MAPRE2: variants seen among roughly 807,000 people sequenced by gnomAD.
MAPRE2 encodes microtubule associated protein RP/EB family member 2, also known as microtubule-associated protein RP/EB family member 2.
A neutral mutation model predicts 43.2 loss-of-function variants in MAPRE2; 13 were observed. The observed-to-expected ratio is 0.30, with a 90% CI of 0.20 to 0.48. MAPRE2 has a LOEUF of 0.48. Among genes scored for constraint, MAPRE2 ranks in the 20% least tolerant of loss-of-function variants. The pLI is 0.99. For missense variants in MAPRE2, 161 were observed against 400.2 expected (o/e 0.40, Z 5.10); for synonymous variants, 135 against 148.8 (o/e 0.91, Z 0.68).
chr18:34,996,091 T>A (rs1278657830), intron 1 of MAPRE2, among the ~76,000 whole-genome samples: 1 of 152,172 alleles, frequency 6.6e-6, no homozygotes, highest in Non-Finnish European at 1.5e-5. Context: ...AAACAAATGA[T>A]CTTCAAACTC....
chr18:35,006,341 T>TA lies in MAPRE2; in HGVS notation c.-8+797dup, dbSNP rs774772189. Among the ~76,000 whole-genome samples the TA allele has an allele frequency of 1.5e-4, 23 of 151,312 alleles. No individual in the cohort carries two copies. The South Asian group carries it at 1.9e-3, about 12-fold the overall frequency. Reference sequence around the variant, plus strand: ...CTCCACAGCATCAAACATTTTTACTTAAAAAAAAAGTGTGTGGGGACGTAT... The same window carrying TA: ...CTCCACAGCATCAAACATTTTTACTTAAAAAAAAAAGTGTGTGGGGACGTAT... On this transcript the variant is annotated intron_variant, in intron 2 of 7. Coordinates refer to the MAPRE2 transcript ENST00000413393.
intron 1 of MAPRE2, among the ~76,000 whole-genome samples, chr18:35,043,252 G>C (rs571599633): frequency 1.8e-4 from 28 of 152,306 alleles, no homozygotes; most frequent in African/African-American, 6.5e-4. Context: ...AACTTGAAGT[G>C]ATTTTAAATC....
chr18:35,007,317 A>G (rs185810660), intron 2 of MAPRE2, among the ~76,000 whole-genome samples: 150 of 152,318 alleles, frequency 9.8e-4, no homozygotes, highest in Middle Eastern at 3.4e-3. Flanking sequence ...GATAAATTAT[A>G]TGATCATCCT....
At chr18:35,022,461 A>T (rs2097042526) in intron 2 of MAPRE2, among the ~76,000 whole-genome samples, 1 of 152,178 alleles carries the variant, frequency 6.6e-6, no homozygotes, top group Non-Finnish European at 1.5e-5. Flanking sequence ...TCTAGAAAAA[A>T]ATATATATTA....
chr18:35,077,272 TACACAC>T (rs201550975), intron 2 of MAPRE2, among the ~76,000 whole-genome samples: 2 of 84,566 alleles, frequency 2.4e-5, no homozygotes, highest in South Asian at 4.5e-4. Flanking sequence ...CACACACACA[TACACAC>T]ACACACACAC....
intron 1 of MAPRE2, among the ~76,000 whole-genome samples, chr18:35,048,015 G>A (rs1905723824): frequency 6.6e-6 from 1 of 152,268 alleles, no homozygotes; most frequent in African/African-American, 2.4e-5. Context: ...CAATGACTTT[G>A]GAACAGAAAG....
In MAPRE2 at chr18:35,043,017, C is replaced by T. The variant is rs141906332; in HGVS notation, c.122+1356C>T. 3.3e-5 allele frequency among the ~76,000 whole-genome samples: 5 copies of T among 152,270 alleles called. No homozygotes were observed. In the East Asian group the frequency reaches 9.6e-4, roughly 29 times the overall value. ...AATTTTGGCTGTGCCCATGAGGTCA[C>T]CAAAATCTCATGCCTTATGGTTCCA... On this transcript the variant is annotated intron_variant, in intron 1 of 6. Transcript: ENST00000300249.
At chr18:35,140,152 G>A (rs868259116) in intron 6 of MAPRE2, 143 bp from the exon 7 acceptor site, 41 of 666,702 alleles carry the variant, frequency 6.1e-5, no homozygotes, top group Middle Eastern at 4.0e-4. Flanking sequence ...GCTGGGAGAC[G>A]TTTGCATGGC....
intron 1 of MAPRE2, among the ~76,000 whole-genome samples, chr18:35,003,325 G>A (rs369844659): frequency 2.6e-5 from 4 of 152,298 alleles, no homozygotes; most frequent in Admixed American, 6.5e-5. Context: ...TGGACATACA[G>A]ATGAAAGAGA....
At chr18:34,977,876 G>A (rs11664824) in intron 1 of MAPRE2, among the ~76,000 whole-genome samples, 4,311 of 152,310 alleles carry the variant, frequency 0.028, 104 homozygotes, top group Non-Finnish European at 0.035. Context: ...AGCCAGGAGA[G>A]GGGTGGACGC....
chr18:35,049,998 G>A (rs1438986620), intron 1 of MAPRE2, among the ~76,000 whole-genome samples: 1 of 151,976 alleles, frequency 6.6e-6, no homozygotes, highest in Non-Finnish European at 1.5e-5. Flanking sequence ...TATTTGTATT[G>A]GTCATCACTA....
chr18:34,990,583 C>A (rs570123195), intron 1 of MAPRE2, among the ~76,000 whole-genome samples: 1 of 152,268 alleles, frequency 6.6e-6, no homozygotes, highest in African/African-American at 2.4e-5. Flanking sequence ...TTCTCCAATC[C>A]TGACTCTCAT....
intron 1 of MAPRE2, among the ~76,000 whole-genome samples, chr18:34,992,622 G>A (rs2097024377): frequency 6.6e-6 from 1 of 152,102 alleles, no homozygotes; most frequent in Admixed American, 6.6e-5. Flanking sequence ...AAAATAGAGT[G>A]GGAACTATAT....
chr18:35,093,464 C>G (rs112945150), intron 2 of MAPRE2, among the ~76,000 whole-genome samples: 2,406 of 152,184 alleles, frequency 0.016, 33 homozygotes, highest in Non-Finnish European at 0.024. Flanking sequence ...GATATCTGCA[C>G]TCATGTTTAT....
intron 2 of MAPRE2, among the ~76,000 whole-genome samples, chr18:35,085,172 G>A (rs1346888603): frequency 6.6e-6 from 1 of 152,162 alleles, no homozygotes; most frequent in Non-Finnish European, 1.5e-5. Context: ...TATTTCTGTA[G>A]GTAGAGAGAT....
intron 1 of MAPRE2, among the ~76,000 whole-genome samples, chr18:34,996,623 T>C (rs1418848949): frequency 6.6e-6 from 1 of 152,210 alleles, no homozygotes; most frequent in Non-Finnish European, 1.5e-5. Context: ...CATACATCTA[T>C]GAGATGGGAT....
At chr18:35,127,254 A>G (rs545473134) in intron 5 of MAPRE2, 167 bp downstream of exon 5, 221 of 644,194 alleles carry the variant, frequency 3.4e-4, no homozygotes, top group Middle Eastern at 1.3e-3. Flanking sequence ...TCAGTAGCCC[A>G]TGATGAATAA....
chr18:34,999,811 C>G (rs1483408485), intron 1 of MAPRE2, among the ~76,000 whole-genome samples: 1 of 152,126 alleles, frequency 6.6e-6, no homozygotes, highest in African/African-American at 2.4e-5. Flanking sequence ...TTTGGTTTCC[C>G]TGTTGTGTGC....
chr18:35,097,357 G>A, intron 2 of MAPRE2, 89 bp from the exon 3 acceptor site: 1 of 1,220,216 alleles, frequency 8.2e-7, no homozygotes, highest in Non-Finnish European at 1.2e-6. Flanking sequence ...GATGGTGCCT[G>A]TAAGGACAAT....
Sources: gnomAD v4.1 joint callset for allele counts (sites outside exome capture counted in the v4.1 genomes callset) on GRCh38, gnomAD v4.1.1 for gene constraint, MANE v1.5 for transcripts, NCBI Gene and HGNC (gene_info 2026-07-23, HGNC 2026-07-21) for gene names.